The following CRTAC1 variants were observed in gnomAD, a reference collection of about 807,000 sequenced individuals.
The protein encoded by CRTAC1 is cartilage acidic protein 1.
A neutral mutation model predicts 67.8 loss-of-function variants in CRTAC1; 37 were observed. The observed-to-expected ratio is 0.55, with a 90% CI of 0.42 to 0.72. The LOEUF is 0.72. Ranked by LOEUF, CRTAC1 falls within the 30% of genes least tolerant of loss-of-function variation. The pLI, the probability that CRTAC1 is intolerant of heterozygous loss-of-function variation, is 0.00. For synonymous variants in CRTAC1, 348 were observed against 371.0 expected (o/e 0.94, Z 0.71); for missense variants, 780 against 931.6 (o/e 0.84, Z 2.12).
At chr10:97,982,253 C>T (rs1481993972) in intron 2 of CRTAC1, among the ~76,000 whole-genome samples, 1 of 152,218 alleles carries the variant, frequency 6.6e-6, no homozygotes, top group Non-Finnish European at 1.5e-5. Context: ...ATGATGCGGT[C>T]TAGGCAGGAA....
At chr10:97,906,939 T>C (rs2136573125) in intron 6 of CRTAC1, among the ~76,000 whole-genome samples, 1 of 152,284 alleles carries the variant, frequency 6.6e-6, no homozygotes, top group African/African-American at 2.4e-5. Flanking sequence ...GATCTCTGTG[T>C]CTAGATCCCA....
At chr10:97,986,151 G>A (rs2051979442) in intron 2 of CRTAC1, among the ~76,000 whole-genome samples, 1 of 152,218 alleles carries the variant, frequency 6.6e-6, no homozygotes, top group Non-Finnish European at 1.5e-5. Flanking sequence ...TGGGAGGGAG[G>A]CCGCTTGGGG....
intron 2 of CRTAC1, among the ~76,000 whole-genome samples, chr10:97,962,692 CGG>C (rs1564913809): frequency 6.6e-6 from 1 of 152,080 alleles, no homozygotes; most frequent in African/African-American, 2.4e-5. Flanking sequence ...CAAGGCTCTG[CGG>C]TCTTTCGGTA....
At chr10:97,939,177 C>T (rs186812149) in intron 2 of CRTAC1, among the ~76,000 whole-genome samples, 8 of 152,328 alleles carry the variant, frequency 5.3e-5, no homozygotes, top group Admixed American at 5.2e-4. Flanking sequence ...GGTGAGGGAT[C>T]ATGGCCTCCT....
At chr10:97,922,732 G>A (rs543288489) in intron 4 of CRTAC1, among the ~76,000 whole-genome samples, 22 of 152,334 alleles carry the variant, frequency 1.4e-4, no homozygotes, top group African/African-American at 4.6e-4. Context: ...GCATGAAAAC[G>A]TTGGAGGAGC....
At position 97,922,120 on chromosome 10, in the gene CRTAC1, A is replaced by C. The variant is rs187232206; in HGVS notation, c.558+1144T>G. Among the ~76,000 whole-genome samples, 2 of 151,998 alleles carry C rather than the reference A, an allele frequency of 1.3e-5. 1 individual carries two copies. The highest frequency in any genetic ancestry group is 4.2e-4 in the South Asian group (2 of 4,810). On this transcript the variant is annotated intron_variant, in intron 4 of 14. Coordinates refer to ENST00000370597, the MANE Select transcript of CRTAC1 (RefSeq NM_018058.7). ...GGGAGGAGGCTGGGAAGAGGCCCCT[A>C]ACCGTGACCAGGTCTGGCACCCCCC...
At chr10:97,871,286 G>C (rs2050090828) in intron 14 of CRTAC1, 1 of 152,154 alleles carries the variant, frequency 6.6e-6, no homozygotes, top group Non-Finnish European at 1.5e-5. Flanking sequence ...GGAGGAAGTG[G>C]GAAACTGTGA....
intron 2 of CRTAC1, among the ~76,000 whole-genome samples, chr10:97,942,311 G>T (rs753976215): frequency 6.6e-6 from 1 of 152,218 alleles, no homozygotes; most frequent in Non-Finnish European, 1.5e-5. Flanking sequence ...GAATGGAAGA[G>T]ATGAAGCCCG....
At chr10:98,010,413 G>T (rs147363719) in intron 2 of CRTAC1, among the ~76,000 whole-genome samples, 92 of 152,300 alleles carry the variant, frequency 6.0e-4, no homozygotes, top group African/African-American at 2.2e-3. Context: ...AGCCTAGGAA[G>T]GCTTCAAGAC....
intron 2 of CRTAC1, among the ~76,000 whole-genome samples, chr10:98,006,503 T>G (rs1165889384): frequency 1.3e-5 from 2 of 151,812 alleles, no homozygotes; most frequent in Non-Finnish European, 2.9e-5. Flanking sequence ...CCTCCCAGAG[T>G]CAGAGACATG....
chr10:97,878,587 G>A, intron 14 of CRTAC1: 6 of 1,299,152 alleles, frequency 4.6e-6, no homozygotes, highest in Non-Finnish European at 6.1e-6. Flanking sequence ...GAGGCTGGTC[G>A]TGAGCATATT....
intron 5 of CRTAC1, among the ~76,000 whole-genome samples, chr10:97,914,903 C>A (rs1265391832): frequency 6.6e-6 from 1 of 152,160 alleles, no homozygotes; most frequent in Non-Finnish European, 1.5e-5. Context: ...CCCTCGAGTC[C>A]CCCGAGAGCT....
chr10:97,891,301 AT>A (rs976987327), intron 11 of CRTAC1, among the ~76,000 whole-genome samples: 3 of 152,136 alleles, frequency 2.0e-5, no homozygotes, highest in African/African-American at 7.2e-5. Context: ...GAAAAAAAAA[AT>A]TTCCCAAACA....
chr10:97,925,403 A>C (rs1345741915), intron 3 of CRTAC1, among the ~76,000 whole-genome samples: 1 of 151,640 alleles, frequency 6.6e-6, no homozygotes, highest in Non-Finnish European at 1.5e-5. Context: ...TGGGTGTGTG[A>C]GTGAGGGTGT....
At chr10:97,966,715 G>A (rs2051621896) in intron 2 of CRTAC1, among the ~76,000 whole-genome samples, 1 of 152,160 alleles carries the variant, frequency 6.6e-6, no homozygotes, top group African/African-American at 2.4e-5. Context: ...TCTTCGCCAT[G>A]ACAGTTTCTC....
rs771886305 is a variant in CRTAC1 at position 97,908,012 on chromosome 10, C to T, written c.850+1G>A. 3 of 1,614,018 alleles carry T rather than the reference C, an allele frequency of 1.9e-6. No homozygotes were observed. In the South Asian group the frequency reaches 3.3e-5, roughly 18 times the overall value. The stretch of plus-strand genomic sequence containing the variant: ...CACAGGGCATGGCTGCCTCCACTCA[C>T]CAGCACTGGCCGCAGCGTCCACAAA... On this transcript the variant is annotated splice_donor_variant, in intron 6 of 14. Coordinates refer to ENST00000370597, the MANE Select transcript of CRTAC1 (RefSeq NM_018058.7). LOFTEE classifies it high-confidence loss of function.
intron 14 of CRTAC1, among the ~76,000 whole-genome samples, chr10:97,876,323 G>T (rs2050146991): frequency 6.6e-6 from 1 of 152,084 alleles, no homozygotes; most frequent in Non-Finnish European, 1.5e-5. Context: ...ATTATTATGA[G>T]GATTAAACGA....
At chr10:97,987,724 T>A (rs938029713) in intron 2 of CRTAC1, among the ~76,000 whole-genome samples, 11 of 152,386 alleles carry the variant, frequency 7.2e-5, no homozygotes, top group African/African-American at 2.2e-4. Context: ...GCAGGGACCA[T>A]GTACCTCTTG....
intron 2 of CRTAC1, among the ~76,000 whole-genome samples, chr10:97,942,921 A>C (rs2051198491): frequency 1.3e-5 from 2 of 151,970 alleles, no homozygotes; most frequent in African/African-American, 4.8e-5. Context: ...AAAATAAAAA[A>C]TTTAGCCGGG....
Sources: gnomAD v4.1 joint callset for allele counts (sites outside exome capture counted in the v4.1 genomes callset) on GRCh38, gnomAD v4.1.1 for gene constraint, MANE v1.5 for transcripts, NCBI Gene and HGNC (gene_info 2026-07-23, HGNC 2026-07-21) for gene names.